Variants in EXT1 observed in about 807,000 individuals in gnomAD.
EXT1 encodes exostosin glycosyltransferase 1, also known as exostosin-1.
In EXT1, 20 loss-of-function variants were observed where a neutral mutation model predicts 82.5. The observed-to-expected ratio is 0.24, with a 90% confidence interval of 0.17 to 0.35. The LOEUF (loss-of-function observed/expected upper bound fraction) is 0.35, where lower values mean the gene tolerates loss of function less well. EXT1 is among the 10% of genes least tolerant of loss of function. The pLI, the probability that EXT1 is intolerant of heterozygous loss-of-function variation, is 1.00. For missense variants in EXT1, 757 were observed against 936.5 expected (o/e 0.81, Z 2.50); for synonymous variants, 348 against 350.8 (o/e 0.99, Z 0.09).
chr8:117,862,083 G>T (rs936402418), intron 1 of EXT1, among the ~76,000 whole-genome samples: 1 of 146,072 alleles, frequency 6.8e-6, no homozygotes, highest in Non-Finnish European at 1.5e-5. Flanking sequence ...TCAATCATGC[G>T]CTCTGTAAGC....
At chr8:118,039,177 T>G (rs542976565) in intron 1 of EXT1, among the ~76,000 whole-genome samples, 2 of 152,198 alleles carry the variant, frequency 1.3e-5, no homozygotes, top group Non-Finnish European at 2.9e-5. Flanking sequence ...TTCTGAACAG[T>G]GGAAGTATAC....
intron 1 of EXT1, among the ~76,000 whole-genome samples, chr8:117,982,197 T>G (rs570151632): frequency 5.9e-5 from 9 of 152,288 alleles, no homozygotes; most frequent in Admixed American, 1.3e-4. Flanking sequence ...GCCCCAGGTC[T>G]TCTTAGGAGC....
intron 1 of EXT1, among the ~76,000 whole-genome samples, chr8:117,872,125 T>G: frequency 7.7e-6 from 1 of 129,816 alleles, no homozygotes; most frequent in African/African-American, 3.0e-5. Flanking sequence ...GGCAACAGAG[T>G]GAGACCCTGT....
intron 1 of EXT1, among the ~76,000 whole-genome samples, chr8:117,891,171 C>T (rs1355017988): frequency 6.6e-6 from 1 of 152,226 alleles, no homozygotes; most frequent in Non-Finnish European, 1.5e-5. Flanking sequence ...AAAGGCCTTT[C>T]TTTCTTTGGA....
At position 118,098,752 on chromosome 8, in the gene EXT1, C is replaced by CT. The variant is rs1817664872; in HGVS notation, c.962+11332dup. On this transcript the variant is annotated intron_variant, in intron 1 of 10. Coordinates refer to ENST00000378204, the MANE Select transcript of EXT1 (RefSeq NM_000127.3). ...CCAGCCTGGACAATAGAGCAAGACT[C>CT]TGTCTCAAAAAAAAAAAAAAAAAGA... is the stretch of plus-strand genomic sequence containing the variant. Among the ~76,000 whole-genome samples, 3 of 95,768 alleles carry CT rather than the reference C, an allele frequency of 3.1e-5. No homozygotes were observed. In the South Asian group the frequency reaches 1.4e-3, roughly 45 times the overall value. The allele number at this position is 95,768 out of a possible 152,430, so 62.8% of individuals were successfully genotyped here. A position where few individuals can be genotyped will look rare whatever the true frequency, so the allele number is the denominator to read the frequency against.
rs555147159 is a variant in EXT1 at position 118,053,739 on chromosome 8, A to C, written c.962+56346T>G. ...TTACACATGAGGGAGCTGAAGTACAACAGGTTATTTGCCAAAGACCATACA... is the reference window on the plus strand; with the variant it reads ...TTACACATGAGGGAGCTGAAGTACACCAGGTTATTTGCCAAAGACCATACA... On this transcript the variant is annotated intron_variant, in intron 1 of 10. Transcript: ENST00000378204. Among the ~76,000 whole-genome samples the C allele has an allele frequency of 5.5e-4, 84 of 152,336 alleles. 1 individual carries two copies. Among genetic ancestry groups the C allele is most frequent in the African/African-American group, 1.9e-3 (80 of 41,580 alleles).
chr8:117,821,518 A>G (rs7820199), intron 5 of EXT1, among the ~76,000 whole-genome samples: 34,624 of 152,200 alleles, frequency 0.23, 4,614 homozygotes, highest in Middle Eastern at 0.37. Context: ...CCAAATGTCA[A>G]CAATATACTG....
At position 117,833,291 on chromosome 8, in the gene EXT1, G is replaced by A. The variant is rs11784841; in HGVS notation, c.1164+2153C>T. ...AAGCCAAAAAGTTGCTTCAGAAGGT[G>A]AAATGCCCATCAAGTTTGGTGAAAT... On this transcript the variant is annotated intron_variant, in intron 3 of 10. Transcript: ENST00000378204. Among the ~76,000 whole-genome samples the A allele has an allele frequency of 7.0e-3, 1,070 of 152,256 alleles. 9 individuals carry two copies. Among genetic ancestry groups the A allele is most frequent in the Non-Finnish European group, 8.8e-3 (599 of 68,030 alleles).
chr8:118,016,368 G>A (rs1245247753), intron 1 of EXT1, among the ~76,000 whole-genome samples: 1 of 152,218 alleles, frequency 6.6e-6, no homozygotes, highest in Non-Finnish European at 1.5e-5. Context: ...ACTCCAGCCT[G>A]GGTGACTGAG....
At chr8:118,062,308 G>A (rs1045388603) in intron 1 of EXT1, among the ~76,000 whole-genome samples, 3 of 152,198 alleles carry the variant, frequency 2.0e-5, no homozygotes, top group Non-Finnish European at 2.9e-5. Context: ...TCTCCGGTTA[G>A]CCTAGAGGTC....
chr8:117,868,063 T>C (rs1435013884), intron 1 of EXT1, among the ~76,000 whole-genome samples: 1 of 152,212 alleles, frequency 6.6e-6, no homozygotes, highest in Non-Finnish European at 1.5e-5. Context: ...TATTCCAGGC[T>C]CAGGAACTTG....
chr8:117,832,274 C>T (rs111956515), intron 3 of EXT1, among the ~76,000 whole-genome samples: 33 of 152,190 alleles, frequency 2.2e-4, no homozygotes, highest in South Asian at 2.1e-3. Flanking sequence ...GCCTGTAATC[C>T]CAGCACTTTG....
intron 1 of EXT1, among the ~76,000 whole-genome samples, chr8:117,978,984 T>C (rs1207596269): frequency 6.6e-6 from 1 of 152,054 alleles, no homozygotes; most frequent in Non-Finnish European, 1.5e-5. Context: ...TAGAAATGAC[T>C]CCAAGTGACA....
At chr8:117,986,837 T>G (rs902531761) in intron 1 of EXT1, among the ~76,000 whole-genome samples, 1 of 152,248 alleles carries the variant, frequency 6.6e-6, no homozygotes, top group Non-Finnish European at 1.5e-5. Flanking sequence ...AACCTGCTCA[T>G]GTTGAGTATA....
intron 1 of EXT1, among the ~76,000 whole-genome samples, chr8:118,026,617 T>C (rs933874324): frequency 6.6e-6 from 1 of 152,144 alleles, no homozygotes; most frequent in Non-Finnish European, 1.5e-5. Context: ...AGAGTAGTAC[T>C]AAGTTGATTT....
At chr8:118,089,285 A>G (rs951769811) in intron 1 of EXT1, among the ~76,000 whole-genome samples, 1 of 152,196 alleles carries the variant, frequency 6.6e-6, no homozygotes, top group African/African-American at 2.4e-5. Flanking sequence ...ATACAGAAAA[A>G]GACTATAATC....
At chr8:117,839,363 G>A (rs1812237256) in intron 1 of EXT1, among the ~76,000 whole-genome samples, 1 of 152,130 alleles carries the variant, frequency 6.6e-6, no homozygotes. Context: ...TAAGAAAGAG[G>A]AATGTCCTTT....
At chr8:118,066,976 AATG>A (rs766916815) in intron 1 of EXT1, among the ~76,000 whole-genome samples, 1 of 152,198 alleles carries the variant, frequency 6.6e-6, no homozygotes, top group Non-Finnish European at 1.5e-5. Context: ...TCTGCTCATA[AATG>A]ATGAAGTCAA....
chr8:118,002,660 T>A (rs1050235367), intron 1 of EXT1, among the ~76,000 whole-genome samples: 22 of 150,146 alleles, frequency 1.5e-4, no homozygotes, highest in Non-Finnish European at 3.1e-4. Context: ...GCCTCCTGAG[T>A]AGATGGGACT....
Sources: allele counts gnomAD v4.1 joint callset (sites outside exome capture counted in the v4.1 genomes callset), GRCh38; gene constraint gnomAD v4.1.1; transcripts MANE v1.5; gene names NCBI Gene and HGNC (gene_info 2026-07-23, HGNC 2026-07-21).